STK32B: variants seen among roughly 807,000 people sequenced by gnomAD.
STK32B encodes serine/threonine kinase 32B.
Under a neutral mutation model 52.6 loss-of-function variants are expected in STK32B, and 43 were observed. That is an observed-to-expected ratio of 0.82 (90% CI 0.64 to 1.05). STK32B has a LOEUF of 1.05. Among genes scored for constraint, STK32B ranks in the 50% least tolerant of loss-of-function variants. The probability of loss-of-function intolerance (pLI) is 0.00; values close to 1 mark genes in which losing one functional copy is unlikely to be tolerated. For synonymous variants in STK32B, 238 were observed against 204.3 expected, an observed-to-expected ratio of 1.17 and a Z score of -1.41; for missense variants, 621 against 534.6, an observed-to-expected ratio of 1.16 and a Z score of -1.59.
In STK32B at chr4:5,403,020, G is replaced by A. The variant is rs189975672; in HGVS notation, c.472+4776G>A. Reference sequence around the variant, plus strand: ...TTCAGCAGCTGGCAATGCAGCAGCCGCGTGGTCAGAGTGGATTTGTTTTCT... The same window carrying A: ...TTCAGCAGCTGGCAATGCAGCAGCCACGTGGTCAGAGTGGATTTGTTTTCT... On this transcript the variant is annotated intron_variant, in intron 5 of 11. Coordinates refer to ENST00000282908, the MANE Select transcript of STK32B (RefSeq NM_018401.3). 8.7e-4 allele frequency among the ~76,000 whole-genome samples: 132 copies of A among 152,324 alleles called. 1 individual carries two copies. In the South Asian group the frequency reaches 9.5e-3, roughly 11 times the overall value.
chr4:5,444,706 G>A (rs1359299478), intron 6 of STK32B, among the ~76,000 whole-genome samples: 1 of 152,176 alleles, frequency 6.6e-6, no homozygotes, highest in Non-Finnish European at 1.5e-5. Flanking sequence ...TACGGGCCAG[G>A]CATCCTGCTA....
Position 5,499,139 on chromosome 4 carries a change from G to T in STK32B, c.*56G>T. 1.3e-6 allele frequency: 2 copies of T among 1,531,880 alleles called. No individual in the cohort carries two copies. The highest frequency in any genetic ancestry group is 2.4e-5 in the East Asian group (1 of 42,018). The allele number at this position is 1,531,880 out of a possible 1,614,324, so 94.9% of individuals were successfully genotyped here. ...CACTCGTCTCTGCCCTGCCCACCCA[G>T]AGCCCCTCTTTGTGCCCTGATGGTC... is the stretch of plus-strand genomic sequence containing the variant. On this transcript the variant is annotated 3_prime_UTR_variant, in exon 12 of 12. Transcript: ENST00000282908.
intron 5 of STK32B, among the ~76,000 whole-genome samples, chr4:5,406,745 A>G (rs1302084008): frequency 6.6e-6 from 1 of 152,136 alleles, no homozygotes. Context: ...TCTCGAGGTT[A>G]GGCAGGGCAG....
intron 2 of STK32B, among the ~76,000 whole-genome samples, chr4:5,152,516 A>C (rs950679235): frequency 6.6e-6 from 1 of 152,252 alleles, no homozygotes; most frequent in African/African-American, 2.4e-5. Flanking sequence ...CAGAGAAAGG[A>C]AGGCAGCCAA....
intron 3 of STK32B, among the ~76,000 whole-genome samples, chr4:5,170,850 G>A (rs1422052124): frequency 6.6e-6 from 1 of 152,196 alleles, no homozygotes; most frequent in Non-Finnish European, 1.5e-5. Flanking sequence ...GGGTCAAATG[G>A]TATTTGTAGT....
At chr4:5,132,189 G>T (rs188010847) in intron 1 of STK32B, among the ~76,000 whole-genome samples, 223 of 152,266 alleles carry the variant, frequency 1.5e-3, no homozygotes, top group Admixed American at 0.011. Flanking sequence ...AGACATTTAG[G>T]TTGGTTCTAG....
chr4:5,468,939 A>G (rs1717645617), intron 11 of STK32B, among the ~76,000 whole-genome samples: 1 of 151,828 alleles, frequency 6.6e-6, no homozygotes, highest in African/African-American at 2.4e-5. Flanking sequence ...AGTCCCAGCT[A>G]CTCGGGAGGC....
At chr4:5,066,665 C>T (rs1221647612) in intron 1 of STK32B, among the ~76,000 whole-genome samples, 1 of 152,198 alleles carries the variant, frequency 6.6e-6, no homozygotes, top group African/African-American at 2.4e-5. Flanking sequence ...CACATGACAA[C>T]TGTCCCATAA....
chr4:5,025,116 G>A, the STK32B span, among the ~76,000 whole-genome samples: 2 of 146,770 alleles, frequency 1.4e-5, no homozygotes, highest in Non-Finnish European at 3.0e-5. Context: ...TGGGAGGGGG[G>A]AATCCTTGAC....
intron 4 of STK32B, among the ~76,000 whole-genome samples, chr4:5,342,309 A>G (rs1230102969): frequency 1.3e-5 from 2 of 152,226 alleles, no homozygotes; most frequent in Admixed American, 6.5e-5. Flanking sequence ...CCAAATATCC[A>G]TCAATGGTAG....
intron 1 of STK32B, among the ~76,000 whole-genome samples, chr4:5,122,369 T>TTCAC (rs1553828475): frequency 1.5e-4 from 7 of 47,590 alleles, no homozygotes; most frequent in Middle Eastern, 0.01. Context: ...TGTTCACTCA[T>TTCAC]TCACTCATTC....
At position 5,196,171 on chromosome 4, in the gene STK32B, G is replaced by A. The variant is rs536634460; in HGVS notation, c.260+27721G>A. On this transcript the variant is annotated intron_variant, in intron 3 of 11. Transcript: ENST00000282908. ...GGAGGGAGTGGTGTTCTTGCTCTGC[G>A]TTCCACAGGCACCTGGGATCGTCTC... 6.6e-5 allele frequency among the ~76,000 whole-genome samples: 10 copies of A among 152,150 alleles called. 1 individual carries two copies. Among genetic ancestry groups the A allele is most frequent in the Admixed American group, 2.6e-4 (4 of 15,282 alleles).
At chr4:5,211,275 G>C (rs976856176) in intron 3 of STK32B, among the ~76,000 whole-genome samples, 3 of 152,098 alleles carry the variant, frequency 2.0e-5, no homozygotes, top group Non-Finnish European at 4.4e-5. Flanking sequence ...CTCTTCCCTA[G>C]GTGTGCTGTA....
At chr4:5,235,687 G>A (rs1724580016) in intron 3 of STK32B, among the ~76,000 whole-genome samples, 1 of 152,224 alleles carries the variant, frequency 6.6e-6, no homozygotes, top group Non-Finnish European at 1.5e-5. Flanking sequence ...AGGCTGCTCA[G>A]AACAGTCTGC....
At chr4:5,468,528 G>A (rs1173994324) in intron 11 of STK32B, among the ~76,000 whole-genome samples, 1 of 152,188 alleles carries the variant, frequency 6.6e-6, no homozygotes, top group East Asian at 1.9e-4. Flanking sequence ...ATGAGGCTGT[G>A]GTCCCGCAGC....
intron 1 of STK32B, among the ~76,000 whole-genome samples, chr4:5,095,078 G>T (rs1713308572): frequency 6.6e-6 from 1 of 152,186 alleles, no homozygotes; most frequent in Non-Finnish European, 1.5e-5. Flanking sequence ...AGGTGCTCCT[G>T]TAGGGATTAA....
At chr4:5,104,216 A>ATATC (rs1560153292) in intron 1 of STK32B, among the ~76,000 whole-genome samples, 1 of 152,154 alleles carries the variant, frequency 6.6e-6, no homozygotes, top group East Asian at 1.9e-4. Context: ...TACTGTTCTC[A>ATATC]TGATAGTGAG....
intron 1 of STK32B, among the ~76,000 whole-genome samples, chr4:5,080,732 T>G (rs1448947761): frequency 6.6e-6 from 1 of 152,182 alleles, no homozygotes; most frequent in Non-Finnish European, 1.5e-5. Context: ...GTGAAATGAT[T>G]ATCATAATCA....
chr4:5,420,077 T>C (rs187529747), intron 6 of STK32B, among the ~76,000 whole-genome samples: 87 of 152,324 alleles, frequency 5.7e-4, no homozygotes, highest in African/African-American at 2.1e-3. Context: ...AGTATTTCTT[T>C]CCATTTTAGA....
Sources: allele counts gnomAD v4.1 joint callset (sites outside exome capture counted in the v4.1 genomes callset), GRCh38; gene constraint gnomAD v4.1.1; transcripts MANE v1.5; gene names NCBI Gene and HGNC (gene_info 2026-07-23, HGNC 2026-07-21).